POU2F3: variants seen among roughly 807,000 people sequenced by gnomAD.
The protein encoded by POU2F3 is POU domain, class 2, transcription factor 3.
POU2F3 carries 23 observed loss-of-function variants against 59.2 expected under a neutral mutation model. The observed-to-expected ratio is 0.39, with a 90% CI of 0.28 to 0.55. The LOEUF (loss-of-function observed/expected upper bound fraction) is 0.55, where lower values mean the gene tolerates loss of function less well. Ranked by LOEUF, POU2F3 falls within the 20% of genes least tolerant of loss-of-function variation. POU2F3 has a pLI of 0.66. For missense variants in POU2F3, 473 were observed against 544.5 expected (o/e 0.87, Z 1.31); for synonymous variants, 190 against 214.6 (o/e 0.89, Z 1.00).
chr11:120,236,845 G>T (rs181800093), upstream of POU2F3: 5 of 777,322 alleles, frequency 6.4e-6, no homozygotes, highest in South Asian at 3.3e-5. Flanking sequence ...GGGCACCCCA[G>T]CCTTCTAAGC....
chr11:120,299,610 C>T lies in POU2F3; in HGVS notation c.259-14C>T, dbSNP rs1941286648. ...TGTAAATTCTGTGGTGTATGTGTAT[C>T]TCTCCGTGTGTAGGACATGGCTTCC... On this transcript the variant is annotated splice_polypyrimidine_tract_variant and intron_variant, in intron 4 of 12. Coordinates refer to ENST00000543440, the MANE Select transcript of POU2F3 (RefSeq NM_014352.4). 6.2e-7 allele frequency: 1 copy of T among 1,609,794 alleles called. No individual in the cohort carries two copies. The highest frequency in any genetic ancestry group is 1.3e-5 in the African/African-American group (1 of 74,826).
chr11:120,260,858 A>C (rs1210799581), intron 2 of POU2F3, among the ~76,000 whole-genome samples: 1 of 152,162 alleles, frequency 6.6e-6, no homozygotes, highest in Non-Finnish European at 1.5e-5. Flanking sequence ...GCTTGAGCTC[A>C]GGAGTTCCAG....
intron 2 of POU2F3, chr11:120,250,400 G>T (rs1473622111): frequency 6.6e-6 from 1 of 152,238 alleles, no homozygotes; most frequent in Non-Finnish European, 1.5e-5. Context: ...AGGAATTCAT[G>T]GCTGCCTGGA....
At chr11:120,295,978 T>G (rs1055721841) in intron 3 of POU2F3, among the ~76,000 whole-genome samples, 17 of 152,248 alleles carry the variant, frequency 1.1e-4, no homozygotes, top group African/African-American at 4.1e-4. Context: ...TATTTAGATC[T>G]GCTTTGTCTA....
chr11:120,286,625 G>A (rs1940790151), intron 3 of POU2F3, among the ~76,000 whole-genome samples: 1 of 152,058 alleles, frequency 6.6e-6, no homozygotes, highest in African/African-American at 2.4e-5. Context: ...CTATCCTATG[G>A]GGTTTTTTAA....
chr11:120,302,240 C>A (rs1402192914), intron 5 of POU2F3, 46 bp from the exon 6 acceptor site: 2 of 1,504,574 alleles, frequency 1.3e-6, no homozygotes, highest in Non-Finnish European at 1.8e-6. Flanking sequence ...TTTCAAATAG[C>A]CTGGATTTTA....
At chr11:120,260,365 G>T (rs967236370) in intron 2 of POU2F3, among the ~76,000 whole-genome samples, 1 of 152,254 alleles carries the variant, frequency 6.6e-6, no homozygotes, top group Non-Finnish European at 1.5e-5. Context: ...TGGCCAGGGA[G>T]CTCAGGTCAC....
At chr11:120,249,264 A>G (rs1226527444) in intron 2 of POU2F3, among the ~76,000 whole-genome samples, 2 of 152,232 alleles carry the variant, frequency 1.3e-5, no homozygotes, top group Admixed American at 6.5e-5. Flanking sequence ...GCCCCTGTTC[A>G]GTACTCTTTC....
intron 1 of POU2F3, among the ~76,000 whole-genome samples, chr11:120,242,171 T>C (rs996975978): frequency 6.6e-6 from 1 of 152,142 alleles, no homozygotes; most frequent in Non-Finnish European, 1.5e-5. Context: ...AGTTTCTGGG[T>C]CTTGGCCCCT....
intron 1 of POU2F3, among the ~76,000 whole-genome samples, chr11:120,245,798 T>C (rs914847301): frequency 1.4e-4 from 22 of 152,124 alleles, no homozygotes; most frequent in African/African-American, 4.8e-4. Flanking sequence ...TGCCATCCCT[T>C]TCTCACTGAG....
chr11:120,292,088 G>T lies in POU2F3; in HGVS notation c.133-6177G>T, dbSNP rs1591425231. Among the ~76,000 whole-genome samples the T allele has an allele frequency of 2.0e-5, 3 of 152,274 alleles. No homozygotes were observed. In the East Asian group the frequency reaches 5.8e-4, roughly 29 times the overall value. ...CTCCCAAAGTGCTGGGATTACATGT[G>T]TGAGCCACTGTGCCCAGCCTGAATT... On this transcript the variant is annotated intron_variant, in intron 3 of 12. Transcript: ENST00000543440.
At chr11:120,250,793 T>C (rs1372986770) in intron 2 of POU2F3, among the ~76,000 whole-genome samples, 1 of 152,088 alleles carries the variant, frequency 6.6e-6, no homozygotes, top group East Asian at 1.9e-4. Context: ...CTGGACAACA[T>C]GGTGAAACCC....
chr11:120,297,363 T>C (rs1282721931), intron 3 of POU2F3, among the ~76,000 whole-genome samples: 3 of 152,160 alleles, frequency 2.0e-5, no homozygotes, highest in Non-Finnish European at 4.4e-5. Flanking sequence ...GGAGAGAGGT[T>C]GGAAACCACC....
chr11:120,297,782 T>C (rs948319003), intron 3 of POU2F3, among the ~76,000 whole-genome samples: 2 of 152,086 alleles, frequency 1.3e-5, no homozygotes, highest in African/African-American at 4.8e-5. Flanking sequence ...AATCCATTTT[T>C]TTTTAAGAGA....
chr11:120,308,797 G>A (rs1324807719), intron 9 of POU2F3, among the ~76,000 whole-genome samples: 4 of 151,710 alleles, frequency 2.6e-5, no homozygotes, highest in Admixed American at 6.6e-5. Flanking sequence ...AATTAGCTGG[G>A]CGTGGTGATG....
intron 3 of POU2F3, among the ~76,000 whole-genome samples, chr11:120,295,416 C>T (rs1187024262): frequency 2.6e-5 from 4 of 152,242 alleles, no homozygotes; most frequent in African/African-American, 9.6e-5. Context: ...CTCCCTCTGT[C>T]CCCCTTCCTC....
chr11:120,318,516 C>A lies in POU2F3; in HGVS notation c.*124C>A. On this transcript the variant is annotated 3_prime_UTR_variant, in exon 13 of 13. Transcript: ENST00000543440. ...GAAGAAAATCTCCACTATCAATGAA[C>A]CCAGACTCTTGTCTTCTTCAAGAGC... 2 of 994,022 alleles carry A rather than the reference C, an allele frequency of 2.0e-6. No homozygotes were observed. The highest frequency in any genetic ancestry group is 3.1e-6 in the Non-Finnish European group (2 of 642,130). The allele number at this position is 994,022 out of a possible 1,614,324, so 61.6% of individuals were successfully genotyped here.
intron 3 of POU2F3, among the ~76,000 whole-genome samples, chr11:120,293,003 C>G (rs1450669872): frequency 6.6e-6 from 1 of 152,162 alleles, no homozygotes. Flanking sequence ...TGTTGCATTT[C>G]CAGAGTAGGC....
intron 1 of POU2F3, among the ~76,000 whole-genome samples, chr11:120,244,640 G>T (rs1938797692): frequency 6.6e-6 from 1 of 152,290 alleles, no homozygotes; most frequent in Non-Finnish European, 1.5e-5. Flanking sequence ...CACCTTTCCA[G>T]CAGTCTCTGA....
Sources: gnomAD v4.1 joint callset for allele counts (sites outside exome capture counted in the v4.1 genomes callset) on GRCh38, gnomAD v4.1.1 for gene constraint, MANE v1.5 for transcripts, NCBI Gene and HGNC (gene_info 2026-07-23, HGNC 2026-07-21) for gene names.